CRYBG1: variants seen among roughly 807,000 people sequenced by gnomAD.
CRYBG1 encodes the protein beta/gamma crystallin domain-containing protein 1.
In CRYBG1, 139 loss-of-function variants were observed where a neutral mutation model predicts 189.2. That is an observed-to-expected ratio of 0.73 (90% CI 0.64 to 0.85). The LOEUF (loss-of-function observed/expected upper bound fraction) is 0.85. CRYBG1 is among the 40% of genes least tolerant of loss of function. The probability of loss-of-function intolerance (pLI) is 0.00; values close to 1 mark genes in which losing one functional copy is unlikely to be tolerated. For missense variants in CRYBG1, 2,611 were observed against 2,675.8 expected (o/e 0.98, Z 0.53); for synonymous variants, 1,023 against 1,017.1 (o/e 1.01, Z -0.11).
Position 106,544,589 on chromosome 6 carries a change from A to G in CRYBG1, c.5058A>G (p.Lys1686=), listed in dbSNP as rs1799693. ...VLRGIWVAYE[K]PGFTGHQYLL... ...GTTGCAGTTGGGTTGCATATGAGAAACCTGGATTTACCGGTCATCAGTATT... is the reference window on the plus strand; with the variant it reads ...GTTGCAGTTGGGTTGCATATGAGAAGCCTGGATTTACCGGTCATCAGTATT... Residue 1686 remains lysine, a synonymous_variant, in exon 12 of 22, where the codon AAA becomes AAG. Coordinates refer to ENST00000633556, the MANE Select transcript of CRYBG1 (RefSeq NM_001371242.2). The G allele has an allele frequency of 0.94, 1,511,251 of 1,613,676 alleles. 708,155 individuals carry two copies. Among genetic ancestry groups the G allele is most frequent in the East Asian group, 1 (44,859 of 44,864 alleles).
chr6:106,553,386 T>C, intron 15 of CRYBG1, 69 bp from the exon 16 acceptor site: 1 of 1,073,126 alleles, frequency 9.3e-7, no homozygotes, highest in South Asian at 1.4e-5. Flanking sequence ...TAGGTCATCA[T>C]TTCAAAGGCT....
chr6:106,479,369 C>T lies in CRYBG1; in HGVS notation c.312+27537C>T, dbSNP rs150198717. On this transcript the variant is annotated intron_variant, in intron 2 of 21. Coordinates refer to ENST00000633556, the MANE Select transcript of CRYBG1 (RefSeq NM_001371242.2). The stretch of plus-strand genomic sequence containing the variant: ...TGACCTATTCCAAACCTAATTACCT[C>T]CCAAAGGCCCCACCTCCAAACAGCA... Among the ~76,000 whole-genome samples the T allele has an allele frequency of 1.4e-3, 207 of 152,292 alleles. 2 individuals are homozygous for T. The highest frequency in any genetic ancestry group is 4.8e-3 in the African/African-American group (198 of 41,552).
chr6:106,449,960 C>T (rs1002306664), intron 1 of CRYBG1, among the ~76,000 whole-genome samples: 6 of 152,200 alleles, frequency 3.9e-5, no homozygotes, highest in African/African-American at 1.4e-4. Context: ...CACAGTGGCT[C>T]ACGCCTGTAA....
At chr6:106,428,001 T>C (rs1424393778) in intron 1 of CRYBG1, among the ~76,000 whole-genome samples, 2 of 152,236 alleles carry the variant, frequency 1.3e-5, no homozygotes, top group Non-Finnish European at 2.9e-5. Flanking sequence ...TTTAAGTCTC[T>C]GTTCAAACAT....
intron 2 of CRYBG1, among the ~76,000 whole-genome samples, chr6:106,455,766 G>GT (rs1771875031): frequency 6.6e-6 from 1 of 151,696 alleles, no homozygotes; most frequent in Non-Finnish European, 1.5e-5. Context: ...GCAAAAAAAG[G>GT]TTTTTTGCTT....
chr6:106,505,438 A>C (rs1027551226), intron 2 of CRYBG1, among the ~76,000 whole-genome samples: 5 of 152,100 alleles, frequency 3.3e-5, no homozygotes, highest in Non-Finnish European at 7.4e-5. Context: ...CATCTTGGCC[A>C]GTCTGGTCTT....
intron 2 of CRYBG1, among the ~76,000 whole-genome samples, chr6:106,505,615 CTTTCT>C (rs1773114586): frequency 6.6e-6 from 1 of 152,056 alleles, no homozygotes; most frequent in East Asian, 1.9e-4. Context: ...AGTCTAAAGT[CTTTCT>C]TGCTTCTATT....
chr6:106,391,979 G>A lies in CRYBG1; in HGVS notation c.173+30898G>A, dbSNP rs910562331. 6.6e-4 allele frequency among the ~76,000 whole-genome samples: 99 copies of A among 149,282 alleles called. 1 individual carries two copies. The highest frequency in any genetic ancestry group is 2.2e-3 in the African/African-American group (90 of 40,502). On this transcript the variant is annotated intron_variant, in intron 1 of 21. Transcript: ENST00000633556. ...TGTGTGTGTGTGTGTGTGCGTGCGC[G>A]TTTCCTGAAAAGGGGCAGAAAGCAA...
intron 8 of CRYBG1, among the ~76,000 whole-genome samples, chr6:106,536,382 G>C (rs990332922): frequency 6.6e-6 from 1 of 152,182 alleles, no homozygotes; most frequent in Non-Finnish European, 1.5e-5. Context: ...CATTGTAAAG[G>C]TTCATTTTCC....
At chr6:106,550,114 C>T (rs1774362064) in intron 13 of CRYBG1, among the ~76,000 whole-genome samples, 1 of 152,150 alleles carries the variant, frequency 6.6e-6, no homozygotes, top group Non-Finnish European at 1.5e-5. Context: ...GCTGCTTACC[C>T]ATCTGTGGGC....
chr6:106,545,029 A>G, intron 13 of CRYBG1, 96 bp downstream of exon 13: 2 of 965,628 alleles, frequency 2.1e-6, no homozygotes, highest in Admixed American at 5.2e-5. Context: ...CATTCAATAC[A>G]CAAATATCTC....
chr6:106,454,376 C>A (rs1370593781), intron 2 of CRYBG1, among the ~76,000 whole-genome samples: 5 of 152,198 alleles, frequency 3.3e-5, no homozygotes, highest in South Asian at 2.1e-4. Context: ...CACACACACC[C>A]CACTACCACC....
intron 2 of CRYBG1, among the ~76,000 whole-genome samples, chr6:106,472,324 G>A (rs530574529): frequency 6.6e-6 from 1 of 152,282 alleles, no homozygotes; most frequent in African/African-American, 2.4e-5. Context: ...TATAGATAAA[G>A]TATAACACTT....
intron 2 of CRYBG1, among the ~76,000 whole-genome samples, chr6:106,461,137 T>C (rs900271904): frequency 2.6e-5 from 4 of 152,182 alleles, no homozygotes; most frequent in African/African-American, 9.7e-5. Flanking sequence ...AAAAAATATT[T>C]ACAATTGCCT....
At chr6:106,402,784 C>T (rs551797134) in intron 1 of CRYBG1, among the ~76,000 whole-genome samples, 1 of 152,056 alleles carries the variant, frequency 6.6e-6, no homozygotes, top group Non-Finnish European at 1.5e-5. Context: ...AAATGACCAC[C>T]GAGCCCTTGA....
chr6:106,520,965 G>A lies in CRYBG1; in HGVS notation c.3757G>A (p.Asp1253Asn). 1 of 1,614,130 alleles carries A rather than the reference G, an allele frequency of 6.2e-7. No homozygotes were observed. Residue 1253 changes from aspartate to asparagine, a missense_variant, in exon 4 of 22, where the codon GAC (aspartate) becomes AAC (asparagine). Physicochemically the swap from Asp to Asn is conservative, Grantham distance 23. Coordinates refer to ENST00000633556, the MANE Select transcript of CRYBG1 (RefSeq NM_001371242.2). ...AAGCTTGTTATCTTCTTTACCACAA[G>A]ACAAAATCTTTTCTCCTTCTGTGAC... ...FSSLLSSLPQ[D>N]KIFSPSVTSV...
intron 2 of CRYBG1, among the ~76,000 whole-genome samples, chr6:106,454,013 C>T (rs768031826): frequency 3.3e-5 from 5 of 152,100 alleles, no homozygotes; most frequent in East Asian, 1.9e-4. Flanking sequence ...GTCAGCCAGG[C>T]GCTGTCTCTA....
intron 1 of CRYBG1, among the ~76,000 whole-genome samples, chr6:106,396,324 A>G (rs1469285367): frequency 6.6e-6 from 1 of 152,172 alleles, no homozygotes; most frequent in African/African-American, 2.4e-5. Context: ...CTACTGTTTC[A>G]GTGTAAACAC....
intron 1 of CRYBG1, among the ~76,000 whole-genome samples, chr6:106,398,141 C>T (rs1290090386): frequency 6.6e-5 from 10 of 152,014 alleles, no homozygotes; most frequent in Non-Finnish European, 1.2e-4. Context: ...AATCCTTGCC[C>T]GTCTTCTCTG....
Sources: gnomAD v4.1 joint callset for allele counts (sites outside exome capture counted in the v4.1 genomes callset) on GRCh38, gnomAD v4.1.1 for gene constraint, MANE v1.5 for transcripts, NCBI Gene and HGNC (gene_info 2026-07-23, HGNC 2026-07-21) for gene names.